The following NUP43 variants were observed in gnomAD, a reference collection of about 807,000 sequenced individuals.
The protein encoded by NUP43 is nucleoporin 43.
NUP43 carries 32 observed loss-of-function variants against 47.3 expected under a neutral mutation model. The ratio of observed to expected loss-of-function variants is 0.68; its 90% CI spans 0.51 to 0.91. The LOEUF is 0.91. Ranked by LOEUF, NUP43 falls within the 40% of genes least tolerant of loss-of-function variation. The pLI is 0.00. For missense variants in NUP43, 444 were observed against 453.9 expected (o/e 0.98, Z 0.20); for synonymous variants, 147 against 158.4 (o/e 0.93, Z 0.54).
At chr6:149,736,832 G>C (rs987209907) in intron 5 of NUP43, among the ~76,000 whole-genome samples, 3 of 152,158 alleles carry the variant, frequency 2.0e-5, no homozygotes, top group Non-Finnish European at 4.4e-5. Flanking sequence ...GGGAGTACAT[G>C]TGTGTACCAT....
In NUP43 at chr6:149,743,668, T is replaced by C. The variant is rs765307709; in HGVS notation, c.291A>G (p.Val97=). 1.9e-6 allele frequency: 3 copies of C among 1,610,498 alleles called. No homozygotes were observed. Among genetic ancestry groups the C allele is most frequent in the Middle Eastern group, 1.7e-4 (1 of 6,042 alleles). ...RIVAASSTGC[V]TVFLHHPNNQ... ...TATTTGGATGGTGAAGGAAAACTGT[T>C]ACACATCCTGTTGATGAAGCAGCGA... The change falls in exon 3 of 8, where the codon GTA becomes GTG. Residue 97 remains valine, a synonymous_variant. Transcript: ENST00000340413.
chr6:149,747,450 ATTTTTTTT>A (rs774011395), upstream of NUP43, among the ~76,000 whole-genome samples: 2 of 136,472 alleles, frequency 1.5e-5, no homozygotes, highest in African/African-American at 5.4e-5. Flanking sequence ...TGCCTGGCTA[ATTTTTTTT>A]TTTTTTTTTT....
chr6:149,728,439 G>A (rs1784887892), intron 7 of NUP43: 1 of 983,198 alleles, frequency 1.0e-6, no homozygotes. Flanking sequence ...GCATGGACAT[G>A]CATGCATGCT....
intron 7 of NUP43, among the ~76,000 whole-genome samples, chr6:149,729,243 C>T (rs1231845138): frequency 2.0e-5 from 3 of 152,162 alleles, no homozygotes; most frequent in Admixed American, 6.5e-5. Context: ...CTGCCCACCT[C>T]GGCCTCCCAA....
rs999678143 is a variant in NUP43 at position 149,729,525 on chromosome 6, C to T, written c.913+2088G>A. 4 of 984,792 alleles carry T rather than the reference C, an allele frequency of 4.1e-6. No homozygotes were observed. In the African/African-American group the frequency reaches 7.0e-5, roughly 17 times the overall value. The allele number at this position is 984,792 out of a possible 1,614,324, so 61.0% of individuals were successfully genotyped here. On this transcript the variant is annotated intron_variant, in intron 7 of 7. Coordinates refer to ENST00000340413, the MANE Select transcript of NUP43 (RefSeq NM_198887.3). ...TGAGGGAGCGCCTTTTCTCCTAATT[C>T]AGAACAAACTTTTACAGCATTTTCA... is the stretch of plus-strand genomic sequence containing the variant.
At chr6:149,733,334 T>C (rs1785157517) in intron 6 of NUP43, among the ~76,000 whole-genome samples, 1 of 152,174 alleles carries the variant, frequency 6.6e-6, no homozygotes, top group South Asian at 2.1e-4. Flanking sequence ...TTTTTATTTT[T>C]TATTTGTTGA....
intron 4 of NUP43, among the ~76,000 whole-genome samples, chr6:149,740,696 T>C (rs1203843084): frequency 3.3e-5 from 5 of 152,154 alleles, no homozygotes; most frequent in Admixed American, 3.3e-4. Context: ...AGATTCTGAT[T>C]TAAAAGGTCT....
At chr6:149,729,802 C>T (rs1033652572) in intron 7 of NUP43, among the ~76,000 whole-genome samples, 14 of 152,108 alleles carry the variant, frequency 9.2e-5, no homozygotes, top group African/African-American at 2.7e-4. Flanking sequence ...CACTGTTACA[C>T]GTCCTAACAC....
At chr6:149,736,230 T>C (rs1343347740) in intron 6 of NUP43, among the ~76,000 whole-genome samples, 6 of 144,294 alleles carry the variant, frequency 4.2e-5, no homozygotes, top group East Asian at 2.2e-4. Flanking sequence ...TGGGCCAAGA[T>C]AGCGCCATTG....
chr6:149,727,781 A>C (rs923667799), intron 7 of NUP43: 45 of 983,952 alleles, frequency 4.6e-5, no homozygotes, highest in Non-Finnish European at 5.2e-5. Flanking sequence ...ATAAGGTTTT[A>C]TCTCTAACAG....
At chr6:149,746,576 G>A (rs757412320), upstream of NUP43, 33 of 1,611,940 alleles carry the variant, frequency 2.0e-5, no homozygotes, top group Non-Finnish European at 2.7e-5. Flanking sequence ...GCGGAACCCT[G>A]ATTGGATGGG....
intron 4 of NUP43, among the ~76,000 whole-genome samples, chr6:149,741,981 C>T (rs563525272): frequency 6.6e-6 from 1 of 152,292 alleles, no homozygotes; most frequent in Admixed American, 6.5e-5. Context: ...GCCTCAGCCT[C>T]CTGAGTAGCT....
Position 149,738,674 on chromosome 6 carries a change from G to C in NUP43, c.607C>G (p.Gln203Glu). Residue 203 changes from glutamine (Q) to glutamate (E), a missense_variant, in exon 5 of 8, where the codon CAA becomes GAA. Physicochemically the swap from Gln to Glu is conservative, Grantham distance 29 (BLOSUM62 2). Coordinates refer to ENST00000340413, the MANE Select transcript of NUP43 (RefSeq NM_198887.3). ...GQLKIWDFRQ[Q>E]GNEPSQILSL... ...AATATCTGAGAAGGCTCATTTCCTTGTTGTCTGAAATCCCATATTTTCAAC... is the reference window on the plus strand; with the variant it reads ...AATATCTGAGAAGGCTCATTTCCTTCTTGTCTGAAATCCCATATTTTCAAC... 1.9e-6 allele frequency: 3 copies of C among 1,584,768 alleles called. No homozygotes were observed. Among genetic ancestry groups the C allele is most frequent in the Non-Finnish European group, 2.6e-6 (3 of 1,169,378 alleles).
intron 3 of NUP43, 73 bp downstream of exon 3, chr6:149,743,563 CCA>C: frequency 1.1e-6 from 1 of 891,102 alleles, no homozygotes; most frequent in South Asian, 1.4e-5. Flanking sequence ...CCACTGCACT[CCA>C]GTGCGCGGGC....
intron 4 of NUP43, among the ~76,000 whole-genome samples, chr6:149,740,845 T>C (rs1476541937): frequency 1.3e-5 from 2 of 152,188 alleles, no homozygotes; most frequent in Non-Finnish European, 2.9e-5. Flanking sequence ...TGGCCCCAGC[T>C]TACTTCTCTC....
rs1786020356 is a variant in NUP43 at position 149,746,517 on chromosome 6, T to TACTGCAAAAAGCAAGC, written c.-23_-22insGCTTGCTTTTTGCAGT. On this transcript the variant is annotated 5_prime_UTR_variant, in exon 1 of 8. Coordinates refer to ENST00000340413, the MANE Select transcript of NUP43 (RefSeq NM_198887.3). ...CCATGCCGAAAGCGGCCGCAGCAGG[T>TACTGCAAAAAGCAAGC]ACTGCAAAAAGCAAGCACAGTACGC... The TACTGCAAAAAGCAAGC allele has an allele frequency of 5.0e-6, 8 of 1,614,008 alleles. No individual in the cohort carries two copies. The highest frequency in any genetic ancestry group is 6.8e-6 in the Non-Finnish European group (8 of 1,180,026).
chr6:149,727,272 A>C (rs896016024), intron 7 of NUP43, 74 bp from the exon 8 acceptor site: 3 of 1,510,982 alleles, frequency 2.0e-6, no homozygotes, highest in Admixed American at 2.1e-5. Flanking sequence ...ACTTCTACTG[A>C]TATTTAGAAA....
intron 5 of NUP43, among the ~76,000 whole-genome samples, chr6:149,737,640 G>C (rs1785433904): frequency 6.6e-6 from 1 of 151,842 alleles, no homozygotes; most frequent in African/African-American, 2.4e-5. Context: ...TTTTATTTGA[G>C]ACAGAGTTTT....
chr6:149,731,964 T>C (rs531657872), intron 6 of NUP43, among the ~76,000 whole-genome samples: 64 of 151,732 alleles, frequency 4.2e-4, no homozygotes, highest in Non-Finnish European at 6.3e-4. Context: ...CTAAGGCGGG[T>C]GGATCACCTG....
Sources: gnomAD v4.1 joint callset for allele counts (sites outside exome capture counted in the v4.1 genomes callset) on GRCh38, gnomAD v4.1.1 for gene constraint, MANE v1.5 for transcripts, NCBI Gene and HGNC (gene_info 2026-07-23, HGNC 2026-07-21) for gene names.